MAML2: variants seen among roughly 807,000 people sequenced by gnomAD.
MAML2 encodes mastermind-like protein 2.
Under a neutral mutation model 96.1 loss-of-function variants are expected in MAML2, and 22 were observed. The ratio of observed to expected loss-of-function variants is 0.23; its 90% CI spans 0.16 to 0.33. The LOEUF is 0.33. MAML2 is among the 10% of genes least tolerant of loss of function. The pLI is 1.00. For missense variants in MAML2, 1,367 were observed against 1,392.4 expected (o/e 0.98, Z 0.29); for synonymous variants, 561 against 521.3 (o/e 1.08, Z -1.04).
chr11:96,046,358 T>G (rs1274746269), intron 2 of MAML2, among the ~76,000 whole-genome samples: 8 of 152,052 alleles, frequency 5.3e-5, no homozygotes, highest in Admixed American at 1.3e-4. Flanking sequence ...GTTGGTTTTT[T>G]TTTTCTTTTA....
rs1860904230 is a variant in MAML2, at chr11:96,150,625, C to T, written c.514-57108G>A. Among the ~76,000 whole-genome samples the T allele has an allele frequency of 2.0e-5, 3 of 152,156 alleles. No individual in the cohort carries two copies. In the South Asian group the frequency reaches 6.2e-4, roughly 32 times the overall value. On this transcript the variant is annotated intron_variant, in intron 1 of 4. Coordinates refer to ENST00000524717, the MANE Select transcript of MAML2 (RefSeq NM_032427.4). Reference sequence around the variant, plus strand: ...GGGACATGCTCAAAGCACCCACACCCACAGCTTTGGGGTCTTAGAGTCATT... The same window carrying T: ...GGGACATGCTCAAAGCACCCACACCTACAGCTTTGGGGTCTTAGAGTCATT...
In MAML2 at chr11:95,979,613, A is replaced by G. The variant is rs1046743056; in HGVS notation, c.2806T>C (p.Leu936=). ...ATACTATGGGTTAAATTTGGTCTCA[A>G]TTGTTGTGAATTACCAACAGATCCA... ...GAGSVGNSQQ[L]RPNLTHSMAS... is the part of the protein sequence containing the mutation. Residue 936 remains leucine, a synonymous_variant, in exon 5 of 5, where the codon TTG becomes CTG. Coordinates refer to ENST00000524717, the MANE Select transcript of MAML2 (RefSeq NM_032427.4). The G allele has an allele frequency of 1.3e-5, 21 of 1,613,722 alleles. No homozygotes were observed. The highest frequency in any genetic ancestry group is 2.7e-5 in the African/African-American group (2 of 74,848).
chr11:96,259,657 A>T (rs1264063767), intron 1 of MAML2, among the ~76,000 whole-genome samples: 2 of 152,262 alleles, frequency 1.3e-5, no homozygotes, highest in East Asian at 3.8e-4. Flanking sequence ...TATGACTCAT[A>T]GGATTCCTCC....
intron 1 of MAML2, among the ~76,000 whole-genome samples, chr11:96,148,627 T>C (rs1413426728): frequency 1.3e-5 from 2 of 149,590 alleles, no homozygotes; most frequent in African/African-American, 5.0e-5. Context: ...GAAATGTCCT[T>C]CTGGCCTGAA....
In MAML2 at chr11:96,322,643, G is replaced by A. The variant is rs1455849541; in HGVS notation, c.513+18740C>T. On this transcript the variant is annotated intron_variant, in intron 1 of 4. Transcript: ENST00000524717. ...GAAGGCGGAGCTTGCAGTGAGCCGA[G>A]ATCGCGCCACTGCACTCCACCCTGG... Among the ~76,000 whole-genome samples, 3 of 152,190 alleles carry A rather than the reference G, an allele frequency of 2.0e-5. No individual in the cohort carries two copies. The East Asian group carries it at 5.8e-4, about 29-fold the overall frequency.
intron 1 of MAML2, among the ~76,000 whole-genome samples, chr11:96,257,601 G>A (rs1295035733): frequency 2.0e-5 from 3 of 151,942 alleles, no homozygotes; most frequent in East Asian, 1.9e-4. Flanking sequence ...GAGAAAAACC[G>A]AAAAAGAGCC....
intron 2 of MAML2, among the ~76,000 whole-genome samples, chr11:96,004,325 G>A (rs1858143431): frequency 6.6e-6 from 1 of 151,920 alleles, no homozygotes; most frequent in African/African-American, 2.4e-5. Flanking sequence ...ACTTTTAAAG[G>A]GTTAGTTCTT....
At chr11:96,302,040 C>A (rs1002080423) in intron 1 of MAML2, among the ~76,000 whole-genome samples, 1 of 152,160 alleles carries the variant, frequency 6.6e-6, no homozygotes, top group African/African-American at 2.4e-5. Context: ...CAGTCTCATG[C>A]CACCCTATTC....
At chr11:96,162,717 AAG>A (rs371942227) in intron 1 of MAML2, among the ~76,000 whole-genome samples, 11,872 of 141,718 alleles carry the variant, frequency 0.084, 727 homozygotes, top group East Asian at 0.18. Context: ...GTCTCAAAAA[AAG>A]AAAAAAAAAA....
At chr11:96,053,278 C>T (rs969468387) in intron 2 of MAML2, among the ~76,000 whole-genome samples, 8 of 152,154 alleles carry the variant, frequency 5.3e-5, no homozygotes, top group Non-Finnish European at 2.9e-5. Flanking sequence ...AAGAAAAATG[C>T]CAACTGCCAC....
At chr11:96,076,452 AC>A (rs1287498110) in intron 2 of MAML2, among the ~76,000 whole-genome samples, 4 of 151,812 alleles carry the variant, frequency 2.6e-5, no homozygotes, top group African/African-American at 9.7e-5. Context: ...ACACACACAC[AC>A]ACACACACAC....
chr11:96,288,563 A>C (rs1049604736), intron 1 of MAML2, among the ~76,000 whole-genome samples: 1 of 149,210 alleles, frequency 6.7e-6, no homozygotes, highest in African/African-American at 2.5e-5. Flanking sequence ...AAAAAAAAAC[A>C]ACCAAAAACA....
chr11:96,028,858 A>G (rs1202611900), intron 2 of MAML2, among the ~76,000 whole-genome samples: 1 of 152,168 alleles, frequency 6.6e-6, no homozygotes, highest in African/African-American at 2.4e-5. Context: ...TCCAGGTCTT[A>G]TCAATAGTAA....
intron 1 of MAML2, among the ~76,000 whole-genome samples, chr11:96,211,106 A>G (rs549795270): frequency 6.6e-6 from 1 of 152,320 alleles, no homozygotes; most frequent in Non-Finnish European, 1.5e-5. Flanking sequence ...TTTTAAAGAA[A>G]TTTAAGTGGA....
At position 96,302,890 on chromosome 11, in the gene MAML2, C is replaced by T. The variant is rs183853721; in HGVS notation, c.513+38493G>A. Among the ~76,000 whole-genome samples, 23 of 152,258 alleles carry T rather than the reference C, an allele frequency of 1.5e-4. No individual in the cohort carries two copies. The East Asian group carries it at 4.4e-3, about 29-fold the overall frequency. On this transcript the variant is annotated intron_variant, in intron 1 of 4. Transcript: ENST00000524717. ...AGGTAAAACTCATTTAATTCTGTTC[C>T]TGTTGAACACATGGATCATTTCAAG...
chr11:96,032,316 C>T lies in MAML2; in HGVS notation c.2140-40593G>A, dbSNP rs563291609. 1.8e-4 allele frequency among the ~76,000 whole-genome samples: 27 copies of T among 152,118 alleles called. 2 individuals are homozygous for T. The South Asian group carries it at 3.9e-3, about 22-fold the overall frequency. On this transcript the variant is annotated intron_variant, in intron 2 of 4. Transcript: ENST00000524717. ...TAAAAAGTTATGTTTCCACTGGGTG[C>T]GGTGGCTCATACTTGTAATCTCAGC...
chr11:96,191,770 CAA>C (rs11396681), intron 1 of MAML2, among the ~76,000 whole-genome samples: 7 of 116,596 alleles, frequency 6.0e-5, no homozygotes, highest in African/African-American at 6.2e-5. Flanking sequence ...AACTCTGTCT[CAA>C]AAAAAAAAAA....
chr11:96,283,944 A>G (rs1442567449), intron 1 of MAML2, among the ~76,000 whole-genome samples: 1 of 152,048 alleles, frequency 6.6e-6, no homozygotes, highest in Non-Finnish European at 1.5e-5. Flanking sequence ...TTAATCCACA[A>G]TTGTCTTCCT....
rs141012021 is a variant in MAML2 at position 96,116,778 on chromosome 11, T to C, written c.514-23261A>G. On this transcript the variant is annotated intron_variant, in intron 1 of 4. Transcript: ENST00000524717. ...GCGAAGAGAGTGAGGATTTCAACTT[T>C]TAGTTTATCAAGAGAATCACTCAAT... 4.0e-3 allele frequency among the ~76,000 whole-genome samples: 613 copies of C among 152,322 alleles called. 1 individual carries two copies. The highest frequency in any genetic ancestry group is 6.7e-3 in the Non-Finnish European group (459 of 68,020).
Sources: allele counts gnomAD v4.1 joint callset (sites outside exome capture counted in the v4.1 genomes callset), GRCh38; gene constraint gnomAD v4.1.1; transcripts MANE v1.5; gene names NCBI Gene and HGNC (gene_info 2026-07-23, HGNC 2026-07-21).